Variants in RGS7 observed in about 807,000 individuals in gnomAD.
The protein encoded by RGS7 is regulator of G-protein signaling 7.
RGS7 carries 27 observed loss-of-function variants against 81.1 expected under a neutral mutation model. The observed-to-expected ratio is 0.33, with a 90% confidence interval of 0.25 to 0.46. The LOEUF (loss-of-function observed/expected upper bound fraction) is 0.46, where lower values mean the gene tolerates loss of function less well. Ranked by LOEUF, RGS7 falls within the 20% of genes least tolerant of loss-of-function variation. The pLI is 1.00. For synonymous variants in RGS7, 208 were observed against 207.7 expected (o/e 1.00, Z -0.01); for missense variants, 396 against 607.4 (o/e 0.65, Z 3.66).
At chr1:240,943,152 T>A (rs2148402946) in intron 4 of RGS7, among the ~76,000 whole-genome samples, 1 of 152,322 alleles carries the variant, frequency 6.6e-6, no homozygotes, top group South Asian at 2.1e-4. Context: ...AACAGAATCA[T>A]AATTTATATC....
chr1:241,227,776 C>G (rs1223556974), intron 2 of RGS7, among the ~76,000 whole-genome samples: 1 of 132,968 alleles, frequency 7.5e-6, no homozygotes, highest in African/African-American at 2.6e-5. Context: ...AAAGCCTTAA[C>G]AAACAGAAGT....
intron 2 of RGS7, among the ~76,000 whole-genome samples, chr1:241,157,812 TTTTCTTTTC>T (rs200753990): frequency 0.048 from 6,062 of 126,212 alleles, 245 homozygotes; most frequent in East Asian, 0.28. Context: ...TTTTCTTTTC[TTTTCTTTTC>T]TTTTTTTTTT....
chr1:240,880,977 G>A (rs373745380), intron 6 of RGS7, among the ~76,000 whole-genome samples: 9 of 152,032 alleles, frequency 5.9e-5, no homozygotes, highest in East Asian at 5.8e-4. Context: ...TTAGCCAATT[G>A]TTACTTGTAA....
At chr1:241,278,054 T>C (rs1183535417) in intron 2 of RGS7, among the ~76,000 whole-genome samples, 1 of 152,240 alleles carries the variant, frequency 6.6e-6, no homozygotes, top group Admixed American at 6.5e-5. Flanking sequence ...TTGCCCGCTG[T>C]TCTCAGTGCC....
chr1:241,278,683 C>A (rs1265654528), intron 2 of RGS7, among the ~76,000 whole-genome samples: 1 of 152,186 alleles, frequency 6.6e-6, no homozygotes, highest in East Asian at 1.9e-4. Flanking sequence ...CTGCTCCCAA[C>A]AATGGGTGGT....
At chr1:241,259,667 A>AATATATATATATATATATATAT (rs59037983) in intron 2 of RGS7, among the ~76,000 whole-genome samples, 16 of 49,028 alleles carry the variant, frequency 3.3e-4, no homozygotes, top group Admixed American at 1.2e-3. Flanking sequence ...AAAAAAAAAA[A>AATATATATATATATATATATAT]ATATATATAT....
chr1:241,030,862 G>A (rs895917905), intron 3 of RGS7, among the ~76,000 whole-genome samples: 15 of 152,166 alleles, frequency 9.9e-5, no homozygotes, highest in Admixed American at 7.9e-4. Context: ...GTGATCAGGC[G>A]ATGGTAGGCT....
At chr1:241,207,611 A>C (rs1470199881) in intron 2 of RGS7, among the ~76,000 whole-genome samples, 10 of 152,058 alleles carry the variant, frequency 6.6e-5, no homozygotes, top group Non-Finnish European at 1.2e-4. Flanking sequence ...TAAAATTAAA[A>C]AGGTAATATC....
chr1:240,998,294 G>A (rs1687599246), intron 3 of RGS7, among the ~76,000 whole-genome samples: 2 of 152,036 alleles, frequency 1.3e-5, no homozygotes, highest in South Asian at 2.1e-4. Flanking sequence ...TATGCATTTC[G>A]TTGGGCTTAT....
intron 6 of RGS7, among the ~76,000 whole-genome samples, chr1:240,923,195 T>A (rs1005175052): frequency 6.6e-6 from 1 of 151,980 alleles, no homozygotes; most frequent in African/African-American, 2.4e-5. Context: ...GGTAGGGGTA[T>A]GGATAAATAG....
rs575378614 is a variant in RGS7, at chr1:241,199,329, G to A, written c.79-100567C>T. 3.9e-5 allele frequency among the ~76,000 whole-genome samples: 6 copies of A among 152,048 alleles called. No individual in the cohort carries two copies. The South Asian group carries it at 1.2e-3, about 32-fold the overall frequency. Reference sequence around the variant, plus strand: ...AAAAATTAGCTGGGTGTGGTGGCATGCCTATAGTCTCAGCTGCTTGGGAGG... The same window carrying A: ...AAAAATTAGCTGGGTGTGGTGGCATACCTATAGTCTCAGCTGCTTGGGAGG... On this transcript the variant is annotated intron_variant, in intron 2 of 18. Coordinates refer to ENST00000440928, the MANE Select transcript of RGS7 (RefSeq NM_001364886.1).
intron 9 of RGS7, among the ~76,000 whole-genome samples, chr1:240,832,798 G>C (rs947565478): frequency 1.3e-5 from 2 of 152,110 alleles, no homozygotes; most frequent in Non-Finnish European, 2.9e-5. Flanking sequence ...CCATCAAATA[G>C]AGCTGATAGC....
At chr1:240,968,421 T>C (rs1682680547) in intron 4 of RGS7, among the ~76,000 whole-genome samples, 1 of 152,128 alleles carries the variant, frequency 6.6e-6, no homozygotes, top group Admixed American at 6.5e-5. Flanking sequence ...ATAATCAGAA[T>C]TCAACATGGT....
chr1:240,811,486 G>A (rs1462639716), intron 14 of RGS7, among the ~76,000 whole-genome samples: 1 of 152,202 alleles, frequency 6.6e-6, no homozygotes, highest in East Asian at 1.9e-4. Flanking sequence ...TTGGTTTCAA[G>A]TTATTTGATA....
chr1:240,983,775 T>A (rs553468135), intron 3 of RGS7, among the ~76,000 whole-genome samples: 36 of 152,328 alleles, frequency 2.4e-4, no homozygotes, highest in African/African-American at 7.7e-4. Flanking sequence ...CACACACCAT[T>A]GCCCCAGCTG....
At chr1:241,307,926 T>C (rs912138490) in intron 2 of RGS7, among the ~76,000 whole-genome samples, 1 of 152,086 alleles carries the variant, frequency 6.6e-6, no homozygotes, top group African/African-American at 2.4e-5. Flanking sequence ...AATAAGGAAA[T>C]GTGTTTAATG....
chr1:240,946,193 A>G (rs1678576446), intron 4 of RGS7, among the ~76,000 whole-genome samples: 1 of 152,208 alleles, frequency 6.6e-6, no homozygotes, highest in Non-Finnish European at 1.5e-5. Context: ...CAGATGAGTT[A>G]TTTAAAGTAT....
intron 3 of RGS7, among the ~76,000 whole-genome samples, chr1:241,009,061 G>T (rs1272906954): frequency 1.3e-5 from 2 of 152,010 alleles, no homozygotes; most frequent in African/African-American, 2.4e-5. Flanking sequence ...TGTAATAAAG[G>T]ATTAAAGGGC....
intron 3 of RGS7, among the ~76,000 whole-genome samples, chr1:241,019,381 A>C (rs1356252800): frequency 6.6e-6 from 1 of 151,988 alleles, no homozygotes; most frequent in Non-Finnish European, 1.5e-5. Flanking sequence ...TTATACTTTA[A>C]GTTCTAGGGT....
Sources: gnomAD v4.1 joint callset for allele counts (sites outside exome capture counted in the v4.1 genomes callset) on GRCh38, gnomAD v4.1.1 for gene constraint, MANE v1.5 for transcripts, NCBI Gene and HGNC (gene_info 2026-07-23, HGNC 2026-07-21) for gene names.